Variants in SIGLEC10 observed in about 807,000 individuals in gnomAD.
SIGLEC10 encodes the protein sialic acid binding Ig like lectin 10, also known as sialic acid-binding Ig-like lectin 10.
Under a neutral mutation model 68.3 loss-of-function variants are expected in SIGLEC10, and 45 were observed. The observed-to-expected ratio is 0.66, with a 90% CI of 0.52 to 0.84. The LOEUF is 0.84. SIGLEC10 is among the 40% of genes least tolerant of loss of function. SIGLEC10 has a pLI of 0.00. For missense variants in SIGLEC10, 789 were observed against 883.1 expected, an observed-to-expected ratio of 0.89 and a Z score of 1.35; for synonymous variants, 379 against 370.8, an observed-to-expected ratio of 1.02 and a Z score of -0.26.
chr19:51,413,943 A>G (rs1988255984), intron 9 of SIGLEC10, 120 bp from the exon 10 acceptor site: 5 of 727,018 alleles, frequency 6.9e-6, no homozygotes, highest in South Asian at 3.3e-5. Context: ...GACCGTCATT[A>G]TGAGACTGAA....
chr19:51,416,096 A>C lies in SIGLEC10; in HGVS notation c.826T>G (p.Cys276Gly), dbSNP rs1454647422. ...AQKGQFLRLL[C>G]AADSQPPATL... is the part of the protein sequence containing the mutation. Reference sequence around the variant, plus strand: ...GCAGGGGGCTGGCTGTCAGCAGCACAGAGGAGCCGCAGGAACTGGCCTTTT... The same window carrying C: ...GCAGGGGGCTGGCTGTCAGCAGCACCGAGGAGCCGCAGGAACTGGCCTTTT... Residue 276 changes from cysteine to glycine, a missense_variant, in exon 5 of 11, where the codon TGT becomes GGT. Physicochemically the swap from Cys to Gly is radical, Grantham distance 159. Coordinates refer to ENST00000339313, the MANE Select transcript of SIGLEC10 (RefSeq NM_033130.5). The C allele has an allele frequency of 6.2e-7, 1 of 1,609,234 alleles. No individual in the cohort carries two copies. The highest frequency in any genetic ancestry group is 1.1e-5 in the South Asian group (1 of 90,716).
intron 10 of SIGLEC10, among the ~76,000 whole-genome samples, chr19:51,411,771 G>A (rs559406855): frequency 6.6e-6 from 1 of 152,180 alleles, no homozygotes; most frequent in African/African-American, 2.4e-5. Context: ...ACTTGAACCT[G>A]AGAGGTGGAG....
rs749861091 is a variant in SIGLEC10, at chr19:51,415,534, T to C, written c.1072+34A>G. On this transcript the variant is annotated intron_variant, in intron 6 of 10. Coordinates refer to ENST00000339313, the MANE Select transcript of SIGLEC10 (RefSeq NM_033130.5). ...GACTCCTGGGCCCCCAATTCGGCAC[T>C]GAGAGGCCTTGGCTCCTCTGTCCCC... is the stretch of plus-strand genomic sequence containing the variant. The C allele has an allele frequency of 1.9e-6, 3 of 1,613,870 alleles. No individual in the cohort carries two copies. In the South Asian group the frequency reaches 3.3e-5, roughly 18 times the overall value.
chr19:51,413,772 C>T lies in SIGLEC10; in HGVS notation c.1761G>A (p.Arg587=), dbSNP rs1228738509. ...RRTQTETPRP[R]FSRHSTILDY... ...CCAGGATCGTGCTGTGCCGGGAGAA[C>T]CTGGGCCTCGGGGTTTCTGTCTGAG... The change falls in exon 10 of 11, where the codon AGG becomes AGA. Residue 587 remains arginine, a synonymous_variant. Coordinates refer to ENST00000339313, the MANE Select transcript of SIGLEC10 (RefSeq NM_033130.5). 5 of 1,613,988 alleles carry T rather than the reference C, an allele frequency of 3.1e-6. No individual in the cohort carries two copies. The Admixed American group carries it at 8.3e-5, about 27-fold the overall frequency.
In SIGLEC10 at chr19:51,415,253, C is replaced by A; in HGVS notation, c.1258G>T (p.Glu420Ter). The A allele has an allele frequency of 6.2e-7, 1 of 1,614,108 alleles. No homozygotes were observed. The highest frequency in any genetic ancestry group is 8.5e-7 in the Non-Finnish European group (1 of 1,179,986). Reference protein sequence around the residue: ...LELPRVQVEHEGEFTCHARHP... With the variant: ...LELPRVQVEH ...CGAGCGTGGCAGGTGAACTCTCCTT[C>A]GTGCTCCACTTGAACCCGAGGCAGC... The change falls in exon 7 of 11, where the codon GAA (glutamate) becomes TAA (stop). Residue 420 changes from glutamate to a stop codon, truncating the protein, a stop_gained. Transcript: ENST00000339313. LOFTEE classifies it high-confidence loss of function.
rs749740714 is a variant in SIGLEC10 at position 51,415,628 on chromosome 19, C to T, written c.1025-13G>A. On this transcript the variant is annotated splice_polypyrimidine_tract_variant and intron_variant, in intron 5 of 10. Coordinates refer to ENST00000339313, the MANE Select transcript of SIGLEC10 (RefSeq NM_033130.5). ...TTCTCTGGAGGATCTGAAATGGAGA[C>T]AGGGGACCGGCTCTAGACGGACCAG... 6.2e-7 allele frequency: 1 copy of T among 1,613,850 alleles called. No homozygotes were observed. Among genetic ancestry groups the T allele is most frequent in the Non-Finnish European group, 8.5e-7 (1 of 1,179,832 alleles).
rs1599894508 is a variant in SIGLEC10, at chr19:51,414,659, C to A, written c.1616-144G>T. 1 of 1,372,016 alleles carries A rather than the reference C, an allele frequency of 7.3e-7. No homozygotes were observed. Among genetic ancestry groups the A allele is most frequent in the East Asian group, 2.3e-5 (1 of 43,302 alleles). 85.0% of individuals were successfully genotyped at this position (1,372,016 alleles called of 1,614,324 possible). ...TGTTTACTTTTAGGAAACCCTGCCA[C>A]ACCCCGGCCCAGGTGTTAGGACTTC... On this transcript the variant is annotated intron_variant, in intron 8 of 10. Transcript: ENST00000339313. This position sits in a 1 kb window ranked among gnomAD's most constrained non-coding sequence, Gnocchi z 4.1.
Position 51,415,594 on chromosome 19 carries a change from ACTCT to A in SIGLEC10, c.1042_1045del (p.Arg348Ter), listed in dbSNP as rs1988536309. On this transcript the variant is annotated frameshift_variant, in exon 6 of 11. Transcript: ENST00000339313. LOFTEE classifies it high-confidence loss of function. Reference sequence around the variant, plus strand: ...TGTCCTGTTTGCTTGGGAAACCATCACTCTCAGGTTCTCTGGAGGATCTGAAATG... The same window carrying A: ...TGTCCTGTTTGCTTGGGAAACCATCACAGGTTCTCTGGAGGATCTGAAATG... The A allele has an allele frequency of 6.2e-7, 1 of 1,613,112 alleles. No homozygotes were observed. Among genetic ancestry groups the A allele is most frequent in the African/African-American group, 1.3e-5 (1 of 74,620 alleles).
intron 5 of SIGLEC10, 54 bp downstream of exon 5, chr19:51,415,844 C>T: frequency 1.2e-6 from 2 of 1,609,100 alleles, no homozygotes; most frequent in South Asian, 2.2e-5. Flanking sequence ...GAGCCCAGCC[C>T]CTGTATCCCT....
chr19:51,412,620 A>G (rs182980105), intron 10 of SIGLEC10, among the ~76,000 whole-genome samples: 1,733 of 151,882 alleles, frequency 0.011, 28 homozygotes, highest in African/African-American at 0.04. Context: ...GATTACAGGC[A>G]CCCATCACCA....
Position 51,414,768 on chromosome 19 carries a change from C to G in SIGLEC10, c.1615+56G>C. Reference sequence around the variant, plus strand: ...CCTGCTCCAACCACAGGACCCTACTCTTTGCCCCAGTCAGCTTCTCCTCCA... The same window carrying G: ...CCTGCTCCAACCACAGGACCCTACTGTTTGCCCCAGTCAGCTTCTCCTCCA... On this transcript the variant is annotated intron_variant, in intron 8 of 10. Coordinates refer to ENST00000339313, the MANE Select transcript of SIGLEC10 (RefSeq NM_033130.5). The surrounding 1 kb of genome is among the most constrained non-coding windows in gnomAD (Gnocchi z 4.1). 6.2e-7 allele frequency: 1 copy of G among 1,606,720 alleles called. No homozygotes were observed. Among genetic ancestry groups the G allele is most frequent in the Non-Finnish European group, 8.5e-7 (1 of 1,177,924 alleles).
At position 51,415,252 on chromosome 19, in the gene SIGLEC10, T is replaced by C. The variant is rs143905012; in HGVS notation, c.1259A>G (p.Glu420Gly). 2.3e-5 allele frequency: 37 copies of C among 1,613,938 alleles called. No individual in the cohort carries two copies. The highest frequency in any genetic ancestry group is 3.0e-5 in the Non-Finnish European group (35 of 1,179,984). ...LELPRVQVEH[E>G]GEFTCHARHP... The stretch of plus-strand genomic sequence containing the variant: ...CCGAGCGTGGCAGGTGAACTCTCCT[T>C]CGTGCTCCACTTGAACCCGAGGCAG... The change falls in exon 7 of 11, where the codon GAA becomes GGA. Residue 420 changes from glutamate to glycine, a missense_variant. Coordinates refer to ENST00000339313, the MANE Select transcript of SIGLEC10 (RefSeq NM_033130.5).
At chr19:51,413,918 A>G in intron 9 of SIGLEC10, 95 bp from the exon 10 acceptor site, 2 of 892,930 alleles carry the variant, frequency 2.2e-6, no homozygotes, top group East Asian at 2.4e-5. Flanking sequence ...GACAGTTACT[A>G]CTGTTACCAC....
At chr19:51,415,800 C>G in intron 5 of SIGLEC10, 98 bp downstream of exon 5, 1 of 1,585,548 alleles carries the variant, frequency 6.3e-7, no homozygotes. Context: ...TCTCCGAGGC[C>G]TGGGGCTCCA....
rs199511647 is a variant in SIGLEC10, at chr19:51,410,974, A to G, written c.*125T>C. On this transcript the variant is annotated 3_prime_UTR_variant, in exon 11 of 11. Coordinates refer to ENST00000339313, the MANE Select transcript of SIGLEC10 (RefSeq NM_033130.5). Reference sequence around the variant, plus strand: ...CAGATGTTTTTTTAAAAGAGAGAGAAAGAGAGAGAGAGAGAGAAAGAGAGA... The same window carrying G: ...CAGATGTTTTTTTAAAAGAGAGAGAGAGAGAGAGAGAGAGAGAAAGAGAGA... 5.8e-6 allele frequency: 6 copies of G among 1,030,182 alleles called. No individual in the cohort carries two copies. In the East Asian group the frequency reaches 1.0e-4, roughly 17 times the overall value. The allele number at this position is 1,030,182 out of a possible 1,614,324, so 63.8% of individuals were successfully genotyped here.
Position 51,416,858 on chromosome 19 carries a change from C to T in SIGLEC10, c.514G>A (p.Glu172Lys), listed in dbSNP as rs748226995. The T allele has an allele frequency of 1.1e-5, 17 of 1,614,004 alleles. No individual in the cohort carries two copies. Among genetic ancestry groups the T allele is most frequent in the African/African-American group, 5.3e-5 (4 of 74,894 alleles). The change falls in exon 3 of 11, where the codon GAA becomes AAA. Residue 172 changes from glutamate (E) to lysine (K), a missense_variant. Glu to Lys is a moderately conservative substitution (Grantham distance 56). Coordinates refer to ENST00000339313, the MANE Select transcript of SIGLEC10 (RefSeq NM_033130.5). ...CAGGAGAAAGAAGGGGGTGGACATTCCTCAAAGGCCCAGTTAAACACACAG... is the reference window on the plus strand; with the variant it reads ...CAGGAGAAAGAAGGGGGTGGACATTTCTCAAAGGCCCAGTTAAACACACAG... ...VICVFNWAFE[E>K]CPPPSFSWTG... is the part of the protein sequence containing the mutation.
chr19:51,411,408 A>G, intron 10 of SIGLEC10, 37 bp from the exon 11 acceptor site: 1 of 1,609,796 alleles, frequency 6.2e-7, no homozygotes, highest in Non-Finnish European at 8.5e-7. Context: ...TCATTCATTC[A>G]GCAAATATTT....
rs1208844288 is a variant in SIGLEC10, at chr19:51,411,125, C to T, written c.2068G>A (p.Asp690Asn). 2 of 1,614,044 alleles carry T rather than the reference C, an allele frequency of 1.2e-6. No individual in the cohort carries two copies. The highest frequency in any genetic ancestry group is 3.3e-5 in the Admixed American group (2 of 60,002). ...EARMPKGTQA[D>N]YAEVKFQ is the part of the protein sequence containing the mutation. The stretch of plus-strand genomic sequence containing the variant: ...CATTGGAACTTGACTTCTGCATAAT[C>T]CGCCTGGGTGCCCTTGGGCATCCGG... Residue 690 changes from aspartate (D) to asparagine (N), a missense_variant, in exon 11 of 11, where the codon GAT becomes AAT. Transcript: ENST00000339313.
Position 51,410,909 on chromosome 19 carries a change from A to G in SIGLEC10, c.*190T>C. On this transcript the variant is annotated 3_prime_UTR_variant, in exon 11 of 11. Coordinates refer to ENST00000339313, the MANE Select transcript of SIGLEC10 (RefSeq NM_033130.5). ...GGCGATCTGCCCACCTCAACCTCCC[A>G]AAGTGCTGGGATTACAGGCGTGAGC... The G allele has an allele frequency of 1.6e-6, 1 of 637,390 alleles. No homozygotes were observed. Among genetic ancestry groups the G allele is most frequent in the Non-Finnish European group, 2.5e-6 (1 of 393,624 alleles). 39.5% of individuals were successfully genotyped at this position (637,390 alleles called of 1,614,324 possible).
Sources: allele counts gnomAD v4.1 joint callset (sites outside exome capture counted in the v4.1 genomes callset), GRCh38; gene constraint gnomAD v4.1.1; non-coding constraint Gnocchi (gnomAD v3.1); transcripts MANE v1.5; gene names NCBI Gene and HGNC (gene_info 2026-07-23, HGNC 2026-07-21).